SERPINB7: variants seen among roughly 807,000 people sequenced by gnomAD.
SERPINB7 encodes serpin family B member 7.
SERPINB7 carries 31 observed loss-of-function variants against 37.4 expected under a neutral mutation model. That is an observed-to-expected ratio of 0.83 (90% CI 0.62 to 1.12). The LOEUF (loss-of-function observed/expected upper bound fraction) is 1.12, where lower values mean the gene tolerates loss of function less well. Among genes scored for constraint, SERPINB7 ranks in the 50% most tolerant of loss-of-function variants. The pLI is 0.00. For missense variants in SERPINB7, 521 were observed against 455.3 expected, an observed-to-expected ratio of 1.14 and a Z score of -1.31; for synonymous variants, 163 against 166.1, an observed-to-expected ratio of 0.98 and a Z score of 0.14.
At chr18:63,790,514 G>C (rs2049416128) in intron 2 of SERPINB7, among the ~76,000 whole-genome samples, 1 of 152,168 alleles carries the variant, frequency 6.6e-6, no homozygotes, top group Non-Finnish European at 1.5e-5. Flanking sequence ...TTTTAAATTT[G>C]GTTGGTACAA....
At chr18:63,758,303 C>A (rs948079549) in intron 1 of SERPINB7, among the ~76,000 whole-genome samples, 2 of 152,176 alleles carry the variant, frequency 1.3e-5, no homozygotes, top group Non-Finnish European at 2.9e-5. Context: ...ACATCAACAA[C>A]AGCAATGGAA....
In SERPINB7 at chr18:63,792,450, A is replaced by G. The variant is rs1379943026; in HGVS notation, c.219+7A>G. The G allele has an allele frequency of 6.3e-7, 1 of 1,576,632 alleles. No individual in the cohort carries two copies. On this transcript the variant is annotated splice_region_variant and intron_variant, in intron 3 of 7. Transcript: ENST00000398019. The stretch of plus-strand genomic sequence containing the variant: ...AAACTCTTCTAATAGTCAGGTAAAG[A>G]CAATATGTTCTTTTAGAAAAAGAGA...
chr18:63,758,756 C>G (rs1347458862), intron 1 of SERPINB7, among the ~76,000 whole-genome samples: 1 of 152,158 alleles, frequency 6.6e-6, no homozygotes, highest in Non-Finnish European at 1.5e-5. Flanking sequence ...CCTTCTAGCC[C>G]TCTACCCCCT....
intron 4 of SERPINB7, among the ~76,000 whole-genome samples, chr18:63,795,977 G>T (rs996481502): frequency 6.6e-6 from 1 of 152,180 alleles, no homozygotes; most frequent in African/African-American, 2.4e-5. Flanking sequence ...TATTTAATAT[G>T]AGAACGCAGT....
At chr18:63,769,147 T>A (rs2049196260) in intron 1 of SERPINB7, among the ~76,000 whole-genome samples, 1 of 152,138 alleles carries the variant, frequency 6.6e-6, no homozygotes, top group South Asian at 2.1e-4. Context: ...TAATGTTAGA[T>A]GTTTTATTGG....
At chr18:63,784,153 A>G (rs1471457533) in intron 2 of SERPINB7, among the ~76,000 whole-genome samples, 3 of 152,160 alleles carry the variant, frequency 2.0e-5, no homozygotes, top group Non-Finnish European at 2.9e-5. Flanking sequence ...TATTACCCTG[A>G]TTTTATGGAG....
chr18:63,777,538 C>T (rs966019668), intron 1 of SERPINB7, among the ~76,000 whole-genome samples: 5 of 151,954 alleles, frequency 3.3e-5, no homozygotes, highest in Non-Finnish European at 5.9e-5. Context: ...CTATGTGATA[C>T]TAAATATCAA....
upstream of SERPINB7, among the ~76,000 whole-genome samples, chr18:63,771,602 C>T (rs2049211652): frequency 6.6e-6 from 1 of 151,960 alleles, no homozygotes; most frequent in Admixed American, 6.6e-5. Context: ...GCAACCTCTG[C>T]CCGTAAATTA....
chr18:63,759,114 A>G (rs2049138265), intron 1 of SERPINB7, among the ~76,000 whole-genome samples: 1 of 152,176 alleles, frequency 6.6e-6, no homozygotes. Context: ...TTCATGGTCT[A>G]TCCTATTCTA....
intron 1 of SERPINB7, 118 bp downstream of exon 1, chr18:63,775,834 G>C (rs2049241819): frequency 6.6e-6 from 1 of 152,114 alleles, no homozygotes; most frequent in African/African-American, 2.4e-5. Context: ...AATGGCCAAT[G>C]ATCATGCTCA....
At chr18:63,774,274 T>C (rs2049229581), upstream of SERPINB7, among the ~76,000 whole-genome samples, 1 of 152,090 alleles carries the variant, frequency 6.6e-6, no homozygotes, top group Non-Finnish European at 1.5e-5. Context: ...GACCCCCTTC[T>C]TCCTGGGAAA....
intron 1 of SERPINB7, among the ~76,000 whole-genome samples, chr18:63,761,748 T>A (rs1568199839): frequency 6.6e-6 from 1 of 152,208 alleles, no homozygotes; most frequent in Non-Finnish European, 1.5e-5. Context: ...TCATTTTCTC[T>A]TGCTGCCGCC....
At chr18:63,799,410 G>T (rs1332505060) in intron 6 of SERPINB7, among the ~76,000 whole-genome samples, 1 of 152,078 alleles carries the variant, frequency 6.6e-6, no homozygotes, top group African/African-American at 2.4e-5. Context: ...TGTTTCATGT[G>T]TTATTCTTTT....
Position 63,788,065 on chromosome 18 carries a change from A to G in SERPINB7, c.169-4328A>G, listed in dbSNP as rs530196456. Reference sequence around the variant, plus strand: ...GTAATGCTTGATAATGGTGACTATTACTGATTTATGCATTTACAACAGTAT... The same window carrying G: ...GTAATGCTTGATAATGGTGACTATTGCTGATTTATGCATTTACAACAGTAT... On this transcript the variant is annotated intron_variant, in intron 2 of 7. Transcript: ENST00000398019. Among the ~76,000 whole-genome samples, 3 of 152,342 alleles carry G rather than the reference A, an allele frequency of 2.0e-5. No individual in the cohort carries two copies. The East Asian group carries it at 5.8e-4, about 29-fold the overall frequency.
intron 3 of SERPINB7, 60 bp from the exon 4 acceptor site, chr18:63,793,101 T>G: frequency 1.2e-6 from 1 of 857,052 alleles, no homozygotes; most frequent in Non-Finnish European, 1.8e-6. Context: ...TATGTGTAAG[T>G]GAGATTATGC....
At chr18:63,755,416 A>G (rs1438610802) in intron 1 of SERPINB7, among the ~76,000 whole-genome samples, 1 of 152,232 alleles carries the variant, frequency 6.6e-6, no homozygotes, top group African/African-American at 2.4e-5. Flanking sequence ...ATTAAAGACA[A>G]ACATGAAACT....
intron 1 of SERPINB7, among the ~76,000 whole-genome samples, chr18:63,761,303 C>A (rs1172603790): frequency 6.6e-6 from 1 of 152,210 alleles, no homozygotes; most frequent in Non-Finnish European, 1.5e-5. Flanking sequence ...CAATTTCTCC[C>A]ATTTGGAATG....
At chr18:63,791,279 T>C (rs2049424398) in intron 2 of SERPINB7, among the ~76,000 whole-genome samples, 1 of 152,150 alleles carries the variant, frequency 6.6e-6, no homozygotes, top group African/African-American at 2.4e-5. Flanking sequence ...TCCCAGAACT[T>C]AAAGAATAAT....
Position 63,798,627 on chromosome 18 carries a change from GA to G in SERPINB7, c.480del (p.Gly161ValfsTer3). 1 of 1,575,820 alleles carries G rather than the reference GA, an allele frequency of 6.3e-7. No homozygotes were observed. The highest frequency in any genetic ancestry group is 8.6e-7 in the Non-Finnish European group (1 of 1,162,124). On this transcript the variant is annotated frameshift_variant, in exon 6 of 8. Transcript: ENST00000398019. LOFTEE classifies it high-confidence loss of function. The stretch of plus-strand genomic sequence containing the variant: ...AGGCAAAATCAAGAACGTGATTGGT[GA>G]AGGTGGCATAAGCTCATCTGCTGTA... ...THGKIKNVIG[E>X]GGISSSAVMV...
Sources: gnomAD v4.1 joint callset for allele counts (sites outside exome capture counted in the v4.1 genomes callset) on GRCh38, gnomAD v4.1.1 for gene constraint, MANE v1.5 for transcripts, NCBI Gene and HGNC (gene_info 2026-07-23, HGNC 2026-07-21) for gene names.